Variants in CAPRIN2 observed in about 807,000 individuals in gnomAD.
CAPRIN2 encodes caprin-2.
A neutral mutation model predicts 130.4 loss-of-function variants in CAPRIN2; 66 were observed. That is an observed-to-expected ratio of 0.51 (90% confidence interval 0.42 to 0.62). The LOEUF is 0.62. Among genes scored for constraint, CAPRIN2 ranks in the 20% least tolerant of loss-of-function variants. The probability of loss-of-function intolerance (pLI) is 0.00; values close to 1 mark genes in which losing one functional copy is unlikely to be tolerated. For missense variants in CAPRIN2, 1,185 were observed against 1,246.6 expected (o/e 0.95, Z 0.74); for synonymous variants, 471 against 444.1 (o/e 1.06, Z -0.76).
chr12:30,734,900 A>T, intron 4 of CAPRIN2, 68 bp downstream of exon 5: 1 of 978,076 alleles, frequency 1.0e-6, no homozygotes, highest in South Asian at 1.3e-5. Flanking sequence ...TCTCTCTCAC[A>T]TACACACACC....
At chr12:30,720,219 G>A (rs1398066003) in intron 12 of CAPRIN2, 1 of 152,256 alleles carries the variant, frequency 6.6e-6, no homozygotes, top group African/African-American at 2.4e-5. Context: ...GAGTACCTGG[G>A]ACTAGAGGCA....
At chr12:30,724,566 G>C in intron 9 of CAPRIN2, 115 bp from the exon 11 acceptor site, 1 of 697,272 alleles carries the variant, frequency 1.4e-6, no homozygotes. Context: ...TAAATATCTA[G>C]CTAAAGCTAT....
chr12:30,713,918 G>T, intron 14 of CAPRIN2, 33 bp from the exon 17 acceptor site: 1 of 1,247,684 alleles, frequency 8.0e-7, no homozygotes, highest in South Asian at 1.2e-5. Flanking sequence ...TAAGATTATG[G>T]ACAAAATCAT....
At chr12:30,750,952 C>A in intron 2 of CAPRIN2, 119 bp downstream of exon 3, 1 of 766,468 alleles carries the variant, frequency 1.3e-6, no homozygotes, top group Non-Finnish European at 2.2e-6. Flanking sequence ...CAGTTTTGAA[C>A]AAACTATGGA....
intron 9 of CAPRIN2, 103 bp downstream of exon 10, chr12:30,725,863 G>C: frequency 9.8e-7 from 1 of 1,021,852 alleles, no homozygotes; most frequent in Non-Finnish European, 1.3e-6. Flanking sequence ...AGGCAGCAGA[G>C]CCAGGACTTG....
At chr12:30,711,453 T>G in intron 16 of CAPRIN2, 113 bp downstream of exon 18, 1 of 832,672 alleles carries the variant, frequency 1.2e-6, no homozygotes, top group Non-Finnish European at 2.0e-6. Context: ...ATTGAAAACC[T>G]CAACAAGATA....
At chr12:30,747,596 G>T (rs1328348777) in intron 2 of CAPRIN2, among the ~76,000 whole-genome samples, 1 of 151,872 alleles carries the variant, frequency 6.6e-6, no homozygotes, top group East Asian at 1.9e-4. Context: ...AGAATCGCTT[G>T]AACCTGGGAG....
intron 9 of CAPRIN2, among the ~76,000 whole-genome samples, chr12:30,725,223 G>A (rs550381779): frequency 2.6e-5 from 4 of 152,172 alleles, no homozygotes; most frequent in South Asian, 2.1e-4. Flanking sequence ...TGCCTATCTC[G>A]GTTCTCTCAG....
At chr12:30,737,622 T>C (rs1252768603) in intron 3 of CAPRIN2, among the ~76,000 whole-genome samples, 1 of 140,218 alleles carries the variant, frequency 7.1e-6, no homozygotes, top group African/African-American at 2.6e-5. Context: ...TTTTGAGACG[T>C]AGTCTCACTC....
intron 12 of CAPRIN2, among the ~76,000 whole-genome samples, chr12:30,717,796 G>C (rs757733715): frequency 6.6e-6 from 1 of 151,996 alleles, no homozygotes; most frequent in Non-Finnish European, 1.5e-5. Context: ...GGCAAGCAAC[G>C]ATCTGTCCTT....
rs1591985973 is a variant in CAPRIN2 at position 30,719,168 on chromosome 12, C to T, written c.2148+1643G>A. 1.9e-6 allele frequency: 3 copies of T among 1,613,982 alleles called. No homozygotes were observed. In the East Asian group the frequency reaches 6.7e-5, roughly 36 times the overall value. On this transcript the variant is annotated intron_variant, in intron 12 of 16. Transcript: ENST00000298892. ...TGGAAGCCCTGTTCAGAGCCCTTTG[C>T]CATGGGAGGATTTGGAGAAGCTAGT...
At chr12:30,747,099 C>T (rs1397724708) in intron 2 of CAPRIN2, among the ~76,000 whole-genome samples, 2 of 152,182 alleles carry the variant, frequency 1.3e-5, no homozygotes, top group African/African-American at 4.8e-5. Flanking sequence ...ACCCTTAAGA[C>T]TCATGCTAAA....
exon 1 of CAPRIN2, chr12:30,753,887 G>T: frequency 1.2e-6 from 1 of 858,386 alleles, no homozygotes; most frequent in Non-Finnish European, 1.8e-6. Context: ...AACTGCAACG[G>T]CTTCAGAGCT....
chr12:30,750,283 C>T (rs1195854865), intron 2 of CAPRIN2, among the ~76,000 whole-genome samples: 1 of 152,022 alleles, frequency 6.6e-6, no homozygotes, highest in Non-Finnish European at 1.5e-5. Context: ...TGATGTATAG[C>T]GAAAGATTTC....
chr12:30,711,430 T>C (rs2054535077), intron 16 of CAPRIN2, 136 bp downstream of exon 18: 2 of 691,908 alleles, frequency 2.9e-6, no homozygotes, highest in African/African-American at 1.8e-5. Context: ...ACTTTAGTAC[T>C]ACATTCAAGC....
exon 8 of CAPRIN2, chr12:30,728,984 C>T (rs1238568093): frequency 6.2e-7 from 1 of 1,614,156 alleles, no homozygotes; most frequent in Middle Eastern, 1.6e-4. Flanking sequence ...CTTGAACATA[C>T]CCTGCTTTGG....
chr12:30,753,053 A>G (rs1026426842), intron 1 of CAPRIN2, among the ~76,000 whole-genome samples: 4 of 152,282 alleles, frequency 2.6e-5, no homozygotes, highest in African/African-American at 9.6e-5. Flanking sequence ...ATCTATGAAA[A>G]GAAACATTAA....
chr12:30,736,617 G>C (rs902516028), intron 3 of CAPRIN2, among the ~76,000 whole-genome samples: 2 of 152,228 alleles, frequency 1.3e-5, no homozygotes, highest in Non-Finnish European at 2.9e-5. Context: ...GCTAGGGACA[G>C]AAAGATAGTA....
chr12:30,716,462 T>C (rs762881665), intron 13 of CAPRIN2, 46 bp downstream of exon 15: 24 of 1,549,792 alleles, frequency 1.5e-5, no homozygotes, highest in Non-Finnish European at 1.5e-5. Context: ...TCCATTCAAT[T>C]GGCTGTCCCT....
Sources: gnomAD v4.1 joint callset for allele counts (sites outside exome capture counted in the v4.1 genomes callset) on GRCh38, gnomAD v4.1.1 for gene constraint, MANE v1.5 for transcripts, NCBI Gene and HGNC (gene_info 2026-07-23, HGNC 2026-07-21) for gene names.